PRTG: variants seen among roughly 807,000 people sequenced by gnomAD.
PRTG encodes the protein immunoglobulin superfamily, DCC subclass, member 5.
Under a neutral mutation model 122.5 loss-of-function variants are expected in PRTG, and 67 were observed. The observed-to-expected ratio is 0.55, with a 90% CI of 0.45 to 0.67. The LOEUF (loss-of-function observed/expected upper bound fraction) is 0.67, where lower values mean the gene tolerates loss of function less well. PRTG is among the 30% of genes least tolerant of loss of function. The probability of loss-of-function intolerance (pLI) is 0.00; values close to 1 mark genes in which losing one functional copy is unlikely to be tolerated. For synonymous variants in PRTG, 554 were observed against 501.1 expected, an observed-to-expected ratio of 1.11 and a Z score of -1.41; for missense variants, 1,435 against 1,415.4, an observed-to-expected ratio of 1.01 and a Z score of -0.22.
chr15:55,652,798 C>T (rs2059359998), intron 11 of PRTG, among the ~76,000 whole-genome samples: 2 of 152,138 alleles, frequency 1.3e-5, no homozygotes, highest in South Asian at 4.2e-4. Context: ...TGTAAGACTA[C>T]AGTGTTTCTC....
At chr15:55,737,761 T>A (rs1300215971) in intron 2 of PRTG, among the ~76,000 whole-genome samples, 1 of 152,050 alleles carries the variant, frequency 6.6e-6, no homozygotes, top group Non-Finnish European at 1.5e-5. Context: ...CTTGATTGCC[T>A]GTGTGTTAAA....
chr15:55,676,747 T>C (rs914924422), intron 8 of PRTG, among the ~76,000 whole-genome samples: 1 of 152,112 alleles, frequency 6.6e-6, no homozygotes, highest in South Asian at 2.1e-4. Context: ...ACAACCATAA[T>C]AGGGAACAAG....
intron 2 of PRTG, among the ~76,000 whole-genome samples, chr15:55,685,678 T>C (rs977873227): frequency 2.0e-5 from 3 of 152,222 alleles, no homozygotes; most frequent in Admixed American, 6.5e-5. Context: ...ATGTGATGCA[T>C]AAATGTTTTC....
At chr15:55,738,642 A>G in intron 2 of PRTG, 1 of 616,566 alleles carries the variant, frequency 1.6e-6, no homozygotes, top group Non-Finnish European at 2.9e-6. Context: ...TAAAAAGCAC[A>G]CTATCTTTAA....
At chr15:55,726,174 C>A (rs1262924011) in intron 2 of PRTG, among the ~76,000 whole-genome samples, 1 of 152,064 alleles carries the variant, frequency 6.6e-6, no homozygotes, top group Non-Finnish European at 1.5e-5. Context: ...ATCTTTTGAC[C>A]TCGTAATCCA....
chr15:55,678,935 A>G (rs1174275180), intron 7 of PRTG, among the ~76,000 whole-genome samples: 2 of 152,190 alleles, frequency 1.3e-5, no homozygotes, highest in Admixed American at 6.5e-5. Context: ...TAATTTCCTC[A>G]TTTTGTGGAA....
intron 11 of PRTG, among the ~76,000 whole-genome samples, chr15:55,659,588 C>T (rs74345153): frequency 0.055 from 8,406 of 152,168 alleles, 288 homozygotes; most frequent in Middle Eastern, 0.13. Context: ...TTATTAATGT[C>T]TATTTCCTTC....
chr15:55,638,955 ATCATTCATTCATTCATTCATTCAT>A, intron 13 of PRTG, among the ~76,000 whole-genome samples: 1 of 148,354 alleles, frequency 6.7e-6, no homozygotes, highest in East Asian at 2.0e-4. Context: ...TGGAAGTCAA[ATCATTCATTCATTCATTCATTCAT>A]TCATTCATTC....
intron 18 of PRTG, 51 bp from the exon 19 acceptor site, chr15:55,620,818 C>T (rs765909122): frequency 6.9e-7 from 1 of 1,458,796 alleles, no homozygotes; most frequent in African/African-American, 1.4e-5. Flanking sequence ...TCACAGATTT[C>T]ACTTTATCAC....
intron 2 of PRTG, among the ~76,000 whole-genome samples, chr15:55,691,828 A>C (rs2059604269): frequency 6.6e-6 from 1 of 152,088 alleles, no homozygotes; most frequent in African/African-American, 2.4e-5. Flanking sequence ...TAAAGATAGG[A>C]AAGTGACCAG....
At position 55,639,654 on chromosome 15, in the gene PRTG, A is replaced by C; in HGVS notation, c.2312T>G (p.Leu771Arg). The change falls in exon 13 of 20, where the codon CTG becomes CGG. Residue 771 changes from leucine (L) to arginine (R), a missense_variant. Transcript: ENST00000389286. ...AGGAGCTACATACGTTTGAAGGTAC[A>C]GAACCAAAGAAGCATTCTGCAGGCC... The part of the protein sequence containing the change: ...PVGLQNASLV[L>R]YLQTSETHML... 1 of 1,614,052 alleles carries C rather than the reference A, an allele frequency of 6.2e-7. No individual in the cohort carries two copies. The highest frequency in any genetic ancestry group is 8.5e-7 in the Non-Finnish European group (1 of 1,179,948).
intron 11 of PRTG, among the ~76,000 whole-genome samples, chr15:55,666,266 C>T (rs73423329): frequency 0.094 from 14,342 of 152,204 alleles, 710 homozygotes; most frequent in Non-Finnish European, 0.11. Context: ...TCTTCTTCTT[C>T]TTATAAGGGC....
chr15:55,656,365 T>C, intron 11 of PRTG: 1 of 455,842 alleles, frequency 2.2e-6, no homozygotes, highest in Non-Finnish European at 4.4e-6. Flanking sequence ...CTAAACATTT[T>C]TGACAAGAAT....
chr15:55,677,977 G>A lies in PRTG; in HGVS notation c.1201C>T (p.Gln401Ter). 6.2e-7 allele frequency: 1 copy of A among 1,610,756 alleles called. No homozygotes were observed. Among genetic ancestry groups the A allele is most frequent in the Non-Finnish European group, 8.5e-7 (1 of 1,177,378 alleles). Residue 401 changes from glutamine to a stop codon, truncating the protein, a stop_gained, in exon 8 of 20, where the codon CAA becomes TAA. Transcript: ENST00000389286. LOFTEE classifies it high-confidence loss of function. ...AIYQCMAENS[Q>*]GSILSRARLT... ...CTGGCTCTAGATAAAATAGATCCTT[G>A]GCTATTCTCAGCCATGCACTGATAA...
chr15:55,647,420 C>CTT lies in PRTG; in HGVS notation c.2042-6214_2042-6213dup, dbSNP rs1462632425. Among the ~76,000 whole-genome samples the CTT allele has an allele frequency of 2.0e-5, 3 of 152,196 alleles. No individual in the cohort carries two copies. In the East Asian group the frequency reaches 5.8e-4, roughly 29 times the overall value. On this transcript the variant is annotated intron_variant, in intron 11 of 19. Coordinates refer to ENST00000389286, the MANE Select transcript of PRTG (RefSeq NM_173814.6). ...AAGGACTAGAAAGACGCAAATTTTA[C>CTT]TTTAAATTTCAATCTACCAAACAGG... is the stretch of plus-strand genomic sequence containing the variant.
At chr15:55,676,056 T>A (rs1290031421) in intron 8 of PRTG, among the ~76,000 whole-genome samples, 1 of 152,192 alleles carries the variant, frequency 6.6e-6, no homozygotes, top group Non-Finnish European at 1.5e-5. Flanking sequence ...GGGGTTTTTT[T>A]TCTTTTAAAC....
At chr15:55,733,846 A>G (rs1331993061) in intron 2 of PRTG, among the ~76,000 whole-genome samples, 1 of 152,152 alleles carries the variant, frequency 6.6e-6, no homozygotes, top group Non-Finnish European at 1.5e-5. Context: ...AACAACAACA[A>G]CAACAACAAC....
Position 55,619,353 on chromosome 15 carries a change from G to C in PRTG, c.*659C>G, listed in dbSNP as rs1287081762. The C allele has an allele frequency of 3.3e-5, 5 of 152,234 alleles. No homozygotes were observed. The highest frequency in any genetic ancestry group is 1.2e-4 in the African/African-American group (5 of 41,396). 9.4% of individuals were successfully genotyped at this position (152,234 alleles called of 1,614,324 possible). On this transcript the variant is annotated 3_prime_UTR_variant, in exon 20 of 20. Transcript: ENST00000389286. ...TCTCAGTGGTTTAACGGTCCTCACA[G>C]CCAGAGGTATGAACTTATCCAAACC...
chr15:55,678,353 C>T (rs1595642768), intron 7 of PRTG, among the ~76,000 whole-genome samples: 1 of 152,202 alleles, frequency 6.6e-6, no homozygotes, highest in South Asian at 2.1e-4. Context: ...ATAATCCTCT[C>T]GCCCTCTTGC....
Sources: gnomAD v4.1 joint callset for allele counts (sites outside exome capture counted in the v4.1 genomes callset) on GRCh38, gnomAD v4.1.1 for gene constraint, MANE v1.5 for transcripts, NCBI Gene and HGNC (gene_info 2026-07-23, HGNC 2026-07-21) for gene names.